Variants in GRIN2D observed in about 807,000 individuals in gnomAD.
GRIN2D encodes glutamate ionotropic receptor NMDA type subunit 2D, also known as glutamate receptor ionotropic, NMDA 2D.
GRIN2D carries 37 observed loss-of-function variants against 103.2 expected under a neutral mutation model. The ratio of observed to expected loss-of-function variants is 0.36; its 90% CI spans 0.28 to 0.47. The LOEUF (loss-of-function observed/expected upper bound fraction) is 0.47, where lower values mean the gene tolerates loss of function less well. Ranked by LOEUF, GRIN2D falls within the 20% of genes least tolerant of loss-of-function variation. The pLI, the probability that GRIN2D is intolerant of heterozygous loss-of-function variation, is 1.00. For synonymous variants in GRIN2D, 845 were observed against 885.6 expected, an observed-to-expected ratio of 0.95 and a Z score of 0.81; for missense variants, 1,557 against 1,910.6, an observed-to-expected ratio of 0.81 and a Z score of 3.45.
chr19:48,419,364 G>GTCCCCCT lies in GRIN2D; in HGVS notation c.1861+9_1861+15dup. On this transcript the variant is annotated splice_donor_region_variant and intron_variant, in intron 9 of 13. Transcript: ENST00000263269. The stretch of plus-strand genomic sequence containing the variant: ...GCAGCCTGGCCACGGGCAAGCGTGA[G>GTCCCCCT]TCCCCCTTCCTCCATCCCCCGCCTC... 1 of 1,598,112 alleles carries GTCCCCCT rather than the reference G, an allele frequency of 6.3e-7. No homozygotes were observed. The highest frequency in any genetic ancestry group is 8.5e-7 in the Non-Finnish European group (1 of 1,177,016).
chr19:48,441,706 C>A, intron 11 of GRIN2D, 63 bp from the exon 12 acceptor site: 1 of 1,416,302 alleles, frequency 7.1e-7, no homozygotes, highest in Non-Finnish European at 9.7e-7. Context: ...GAGGAGGTTC[C>A]AGGCCTGGCG....
Position 48,425,022 on chromosome 19 carries a change from T to TTCTC in GRIN2D, c.2252+3096_2252+3099dup, listed in dbSNP as rs111577135. Reference sequence around the variant, plus strand: ...GACCCTGAGAATTCCAGATTCTCTCTTCTCTCTCTCTCTCTCTCTCTCACA... The same window carrying TTCTC: ...GACCCTGAGAATTCCAGATTCTCTCTTCTCTCTCTCTCTCTCTCTCTCTCTCACA... On this transcript the variant is annotated intron_variant, in intron 11 of 13. Coordinates refer to ENST00000263269, the MANE Select transcript of GRIN2D (RefSeq NM_000836.4). Among the ~76,000 whole-genome samples the TTCTC allele has an allele frequency of 2.3e-4, 34 of 148,780 alleles. 1 individual carries two copies. Among genetic ancestry groups the TTCTC allele is most frequent in the Non-Finnish European group, 3.1e-4 (21 of 66,794 alleles).
At position 48,405,441 on chromosome 19, in the gene GRIN2D, C is replaced by T; in HGVS notation, c.1085+88C>T. 7.8e-7 allele frequency: 1 copy of T among 1,275,404 alleles called. No individual in the cohort carries two copies. The allele number at this position is 1,275,404 out of a possible 1,614,324, so 79.0% of individuals were successfully genotyped here. The stretch of plus-strand genomic sequence containing the variant: ...CACTGAATGAGTGGCTCAAATGGGC[C>T]ACATCTGCTCTTTGAGCCTCAGTTT... On this transcript the variant is annotated intron_variant, in intron 4 of 13. Transcript: ENST00000263269. This position sits in a 1 kb window ranked among gnomAD's most constrained non-coding sequence, Gnocchi z 5.1.
At chr19:48,410,442 C>T (rs1022160446) in intron 4 of GRIN2D, among the ~76,000 whole-genome samples, 1 of 146,794 alleles carries the variant, frequency 6.8e-6, no homozygotes, top group Non-Finnish European at 1.5e-5. Flanking sequence ...GCAGGAGAAC[C>T]GCTTGAACCC....
intron 8 of GRIN2D, among the ~76,000 whole-genome samples, chr19:48,418,668 G>A (rs912026208): frequency 6.6e-6 from 1 of 152,134 alleles, no homozygotes; most frequent in Non-Finnish European, 1.5e-5. Flanking sequence ...GGGAGAAGGA[G>A]GGAGGAAGGG....
At chr19:48,402,794 GAGA>G (rs1970734544) in intron 3 of GRIN2D, among the ~76,000 whole-genome samples, 1 of 144,950 alleles carries the variant, frequency 6.9e-6, no homozygotes, top group African/African-American at 2.7e-5. Flanking sequence ...GAGAGAGAGA[GAGA>G]GAGAGAGAAT....
intron 11 of GRIN2D, among the ~76,000 whole-genome samples, chr19:48,438,878 T>C (rs1451722338): frequency 1.3e-5 from 2 of 151,688 alleles, no homozygotes; most frequent in Non-Finnish European, 2.9e-5. Context: ...ACTCCTGGGC[T>C]GAAGGGATCC....
chr19:48,423,048 T>C (rs1037223315), intron 11 of GRIN2D, among the ~76,000 whole-genome samples: 21 of 151,614 alleles, frequency 1.4e-4, no homozygotes, highest in African/African-American at 3.6e-4. Flanking sequence ...TTGTCTCTAC[T>C]TAAAATACAA....
chr19:48,438,287 C>CTTTTTTTTTTTTTTTTTTTTTTTTTTTTT (rs71181697), intron 11 of GRIN2D, among the ~76,000 whole-genome samples: 1 of 57,726 alleles, frequency 1.7e-5, no homozygotes, highest in African/African-American at 7.6e-5. Context: ...ATCCAGCCGC[C>CTTTTTTTTTTTTTTTTTTTTTTTTTTTTT]TTTTTTTTTT....
intron 11 of GRIN2D, among the ~76,000 whole-genome samples, chr19:48,440,662 C>G (rs1374668431): frequency 6.6e-6 from 1 of 151,546 alleles, no homozygotes. Context: ...TGATCATTCA[C>G]TTGCATTATT....
chr19:48,411,867 C>A (rs1427919331), intron 4 of GRIN2D, among the ~76,000 whole-genome samples: 1 of 151,634 alleles, frequency 6.6e-6, no homozygotes, highest in Admixed American at 6.6e-5. Flanking sequence ...CTCAGAGATG[C>A]GGCTTCAGAG....
intron 3 of GRIN2D, among the ~76,000 whole-genome samples, chr19:48,402,136 G>C (rs553222609): frequency 1.5e-5 from 2 of 134,224 alleles, no homozygotes; most frequent in Non-Finnish European, 3.3e-5. Context: ...AAGAAAGAAA[G>C]AAAGAAAGAA....
intron 3 of GRIN2D, among the ~76,000 whole-genome samples, chr19:48,401,412 T>C (rs1360147828): frequency 6.6e-6 from 1 of 152,132 alleles, no homozygotes; most frequent in Non-Finnish European, 1.5e-5. Flanking sequence ...TTTCAATAGA[T>C]GGCAGTCAGG....
At chr19:48,419,033 T>C (rs907322518) in intron 8 of GRIN2D, among the ~76,000 whole-genome samples, 1 of 151,586 alleles carries the variant, frequency 6.6e-6, no homozygotes. Context: ...CTAGGGTTTT[T>C]TTTCTTTCTT....
At position 48,444,241 on chromosome 19, in the gene GRIN2D, G is replaced by A. The variant is rs1011347004; in HGVS notation, c.*304G>A. 26 of 259,754 alleles carry A rather than the reference G, an allele frequency of 1.0e-4. No homozygotes were observed. The highest frequency in any genetic ancestry group is 5.1e-4 in the African/African-American group (23 of 45,120). 16.1% of individuals were successfully genotyped at this position (259,754 alleles called of 1,614,324 possible). On this transcript the variant is annotated 3_prime_UTR_variant, in exon 14 of 14. Coordinates refer to ENST00000263269, the MANE Select transcript of GRIN2D (RefSeq NM_000836.4). This position sits in a 1 kb window ranked among gnomAD's most constrained non-coding sequence, Gnocchi z 5.5. The stretch of plus-strand genomic sequence containing the variant: ...ATGGGGCGGGAGGTGGGGGGTTCAC[G>A]CCACTCCCGCGTCCCACCTCCACGC...
chr19:48,398,357 G>A lies in GRIN2D; in HGVS notation c.-26-10G>A. On this transcript the variant is annotated splice_polypyrimidine_tract_variant and intron_variant, in intron 2 of 13. Coordinates refer to ENST00000263269, the MANE Select transcript of GRIN2D (RefSeq NM_000836.4). ...CTCTCCTCCCCGTCTCTCCCGGCCC[G>A]GGCGCTCAGAGGCCGCCCGGCGGGG... 9.2e-7 allele frequency: 1 copy of A among 1,090,518 alleles called. No homozygotes were observed. The allele number at this position is 1,090,518 out of a possible 1,614,324, so 67.6% of individuals were successfully genotyped here.
chr19:48,431,085 T>C (rs529632282), intron 11 of GRIN2D, among the ~76,000 whole-genome samples: 2 of 152,328 alleles, frequency 1.3e-5, no homozygotes, highest in East Asian at 3.9e-4. Flanking sequence ...TCCCAAGTGC[T>C]GGGATTACAG....
chr19:48,398,856 A>T lies in GRIN2D; in HGVS notation c.464A>T (p.Lys155Met). Reference protein sequence around the residue: ...HGGAALVLTPKEKGSTFLQLG... With the variant: ...HGGAALVLTPMEKGSTFLQLG... Reference sequence around the variant, plus strand: ...GGCGCCGCGCTCGTGCTCACGCCCAAGGTGCGCGCGACCGGGGCGGGGCGG... The same window carrying T: ...GGCGCCGCGCTCGTGCTCACGCCCATGGTGCGCGCGACCGGGGCGGGGCGG... Residue 155 changes from lysine to methionine, a missense_variant and splice_region_variant, in exon 3 of 14, where the codon AAG (lysine) becomes ATG (methionine). By Grantham distance (95) the Lys-to-Met change is moderately conservative. This residue lies in a region of GRIN2D where 490 missense variants were observed against 601.1 expected (regional missense o/e 0.82). Coordinates refer to ENST00000263269, the MANE Select transcript of GRIN2D (RefSeq NM_000836.4). 1 of 1,203,424 alleles carries T rather than the reference A, an allele frequency of 8.3e-7. No homozygotes were observed. The highest frequency in any genetic ancestry group is 1.0e-6 in the Non-Finnish European group (1 of 967,628). 74.5% of individuals were successfully genotyped at this position (1,203,424 alleles called of 1,614,324 possible). A position where few individuals can be genotyped will look rare whatever the true frequency, so the allele number is the denominator to read the frequency against.
rs1970959402 is a variant in GRIN2D, at chr19:48,417,200, A to T, written c.1735+1045A>T. On this transcript the variant is annotated intron_variant, in intron 8 of 13. Transcript: ENST00000263269. ...GGTTGCAGTGAGCCAAGATGGCACC[A>T]CCGCACTCCAGCCTGGATGACAGAG... 1.3e-5 allele frequency among the ~76,000 whole-genome samples: 2 copies of T among 152,140 alleles called. 1 individual carries two copies. The highest frequency in any genetic ancestry group is 4.1e-4 in the South Asian group (2 of 4,824).
Sources: gnomAD v4.1 joint callset for allele counts (sites outside exome capture counted in the v4.1 genomes callset) on GRCh38, gnomAD v4.1.1 for gene constraint, gnomAD v4.1.1 regional missense constraint, Gnocchi (gnomAD v3.1) non-coding constraint, MANE v1.5 for transcripts, NCBI Gene and HGNC (gene_info 2026-07-23, HGNC 2026-07-21) for gene names.